Variants in LPP observed in about 807,000 individuals in gnomAD.
LPP encodes the protein LIM domain containing preferred translocation partner in lipoma.
Under a neutral mutation model 60.4 loss-of-function variants are expected in LPP, and 38 were observed. The observed-to-expected ratio is 0.63, with a 90% confidence interval of 0.49 to 0.83. The LOEUF is 0.83. LPP is among the 40% of genes least tolerant of loss of function. LPP has a pLI of 0.00. For synonymous variants in LPP, 328 were observed against 290.8 expected, an observed-to-expected ratio of 1.13 and a Z score of -1.30; for missense variants, 902 against 783.6, an observed-to-expected ratio of 1.15 and a Z score of -1.80.
intron 7 of LPP, among the ~76,000 whole-genome samples, chr3:188,645,497 G>A (rs1381888904): frequency 6.6e-6 from 1 of 152,034 alleles, no homozygotes; most frequent in Non-Finnish European, 1.5e-5. Flanking sequence ...AGAAATATAA[G>A]GCTCAAAATC....
At chr3:188,582,975 G>C (rs1331941300) in intron 6 of LPP, among the ~76,000 whole-genome samples, 2 of 152,090 alleles carry the variant, frequency 1.3e-5, no homozygotes, top group African/African-American at 4.8e-5. Flanking sequence ...GGGTTTCCTT[G>C]TATCCATTTC....
chr3:188,732,864 T>A (rs1367268823), intron 8 of LPP, among the ~76,000 whole-genome samples: 1 of 152,140 alleles, frequency 6.6e-6, no homozygotes, highest in South Asian at 2.1e-4. Flanking sequence ...ATAATACCAG[T>A]GAAAATGCTC....
intron 2 of LPP, among the ~76,000 whole-genome samples, chr3:188,299,424 A>G (rs1749000201): frequency 1.3e-5 from 2 of 152,166 alleles, no homozygotes; most frequent in Admixed American, 1.3e-4. Flanking sequence ...ATTCTCCCTC[A>G]GCATTACGTC....
intron 7 of LPP, among the ~76,000 whole-genome samples, chr3:188,623,043 AAAAAG>A (rs375813529): frequency 0.16 from 11,323 of 72,622 alleles, 788 homozygotes; most frequent in East Asian, 0.57. Context: ...AAAAAAAAAA[AAAAAG>A]AGAGAGCTAA....
chr3:188,225,661 A>T (rs1415286399), intron 2 of LPP, 134 bp downstream of exon 2: 1 of 152,242 alleles, frequency 6.6e-6, no homozygotes. Context: ...ATAAGAGAAG[A>T]ACTGAAATGC....
chr3:188,858,195 A>G (rs2151919443), intron 9 of LPP, among the ~76,000 whole-genome samples: 1 of 152,346 alleles, frequency 6.6e-6, no homozygotes, highest in East Asian at 1.9e-4. Flanking sequence ...TTGTAAAGGC[A>G]AAATCTATCA....
At position 188,888,262 on chromosome 3, in the gene LPP, A is replaced by G. The variant is rs182566746; in HGVS notation, c.*13783A>G. The G allele has an allele frequency of 7.4e-4, 167 of 224,948 alleles. 1 individual carries two copies. The highest frequency in any genetic ancestry group is 6.8e-3 in the Admixed American group (120 of 17,534). 13.9% of individuals were successfully genotyped at this position (224,948 alleles called of 1,614,324 possible). ...TGAGACATACAAAAAAGGAAAGGGA[A>G]AGGACTTTCTAAGTAGCAAATCTGT... is the stretch of plus-strand genomic sequence containing the variant. On this transcript the variant is annotated 3_prime_UTR_variant, in exon 12 of 12. Coordinates refer to ENST00000617246, the MANE Select transcript of LPP (RefSeq NM_001375462.1).
intron 1 of LPP, among the ~76,000 whole-genome samples, chr3:188,163,859 G>A (rs1719121628): frequency 6.6e-6 from 1 of 151,328 alleles, no homozygotes; most frequent in African/African-American, 2.4e-5. Context: ...GCTGAGGCAG[G>A]AGAATCGCTT....
chr3:188,410,589 T>A (rs1784675440), intron 4 of LPP, among the ~76,000 whole-genome samples: 1 of 152,228 alleles, frequency 6.6e-6, no homozygotes. Flanking sequence ...TTTATTTTAC[T>A]TCCATTGTTC....
chr3:188,206,392 A>G (rs966027692), intron 1 of LPP, among the ~76,000 whole-genome samples: 7 of 152,170 alleles, frequency 4.6e-5, no homozygotes, highest in Non-Finnish European at 8.8e-5. Flanking sequence ...TTGGTACAAT[A>G]TCTGTGCTAA....
intron 6 of LPP, among the ~76,000 whole-genome samples, chr3:188,578,580 T>C: frequency 6.6e-6 from 1 of 152,176 alleles, no homozygotes; most frequent in Middle Eastern, 3.2e-3. Context: ...AGGGGAAATA[T>C]TATCTCTCAC....
chr3:188,847,255 T>C lies in LPP; in HGVS notation c.1411-18945T>C, dbSNP rs1397932925. Among the ~76,000 whole-genome samples, 13 of 152,246 alleles carry C rather than the reference T, an allele frequency of 8.5e-5. No individual in the cohort carries two copies. In the East Asian group the frequency reaches 2.5e-3, roughly 29 times the overall value. ...TAAAGCAAACCCAGGGTCAGAAAGA[T>C]CACTGGTGATGATGTTGCAGTTGTA... On this transcript the variant is annotated intron_variant, in intron 9 of 11. Transcript: ENST00000617246.
At chr3:188,574,411 C>T (rs1031764529) in intron 6 of LPP, among the ~76,000 whole-genome samples, 3 of 152,194 alleles carry the variant, frequency 2.0e-5, no homozygotes, top group Non-Finnish European at 4.4e-5. Flanking sequence ...TTATCTCCCA[C>T]AAATATAGGC....
intron 4 of LPP, among the ~76,000 whole-genome samples, chr3:188,427,733 A>G (rs1191133171): frequency 6.6e-6 from 1 of 152,070 alleles, no homozygotes; most frequent in Non-Finnish European, 1.5e-5. Context: ...CACCTACTGA[A>G]GCCTCAGTAA....
intron 1 of LPP, among the ~76,000 whole-genome samples, chr3:188,207,639 T>A (rs986463686): frequency 8.0e-5 from 12 of 149,770 alleles, no homozygotes; most frequent in African/African-American, 2.5e-4. Flanking sequence ...TTTTTTTTTT[T>A]AAAGATGGGA....
intron 2 of LPP, among the ~76,000 whole-genome samples, chr3:188,245,640 T>A (rs1327084746): frequency 6.6e-6 from 1 of 150,640 alleles, no homozygotes; most frequent in Non-Finnish European, 1.5e-5. Context: ...TGCTTCCCTC[T>A]TTTCTAACCC....
At chr3:188,449,036 C>T (rs1795983518) in intron 4 of LPP, among the ~76,000 whole-genome samples, 1 of 152,174 alleles carries the variant, frequency 6.6e-6, no homozygotes, top group Non-Finnish European at 1.5e-5. Flanking sequence ...ACACACTAGT[C>T]AAGGTTGGTT....
chr3:188,803,109 A>G (rs1390203105), intron 9 of LPP, among the ~76,000 whole-genome samples: 1 of 148,848 alleles, frequency 6.7e-6, no homozygotes, highest in Non-Finnish European at 1.5e-5. Context: ...TAGTGGCACA[A>G]TCTCAGCTCA....
At chr3:188,503,873 T>C (rs554746440) in intron 5 of LPP, among the ~76,000 whole-genome samples, 1 of 152,334 alleles carries the variant, frequency 6.6e-6, no homozygotes, top group Non-Finnish European at 1.5e-5. Context: ...TCTCCGGTTG[T>C]CTTTGTCTTT....
Sources: allele counts gnomAD v4.1 joint callset (sites outside exome capture counted in the v4.1 genomes callset), GRCh38; gene constraint gnomAD v4.1.1; transcripts MANE v1.5; gene names NCBI Gene and HGNC (gene_info 2026-07-23, HGNC 2026-07-21).